Variants in NPAS3 observed in about 807,000 individuals in gnomAD.
The protein encoded by NPAS3 is neuronal PAS domain-containing protein 3.
In NPAS3, 14 loss-of-function variants were observed where a neutral mutation model predicts 73.1. The observed-to-expected ratio is 0.19, with a 90% CI of 0.13 to 0.30. NPAS3 has a LOEUF of 0.30. Ranked by LOEUF, NPAS3 falls within the 10% of genes least tolerant of loss-of-function variation. The pLI is 1.00. For missense variants in NPAS3, 1,096 were observed against 1,250.0 expected, an observed-to-expected ratio of 0.88 and a Z score of 1.86; for synonymous variants, 620 against 541.5, an observed-to-expected ratio of 1.14 and a Z score of -2.01.
At chr14:33,133,297 G>A (rs535016042) in intron 2 of NPAS3, among the ~76,000 whole-genome samples, 5 of 152,204 alleles carry the variant, frequency 3.3e-5, no homozygotes, top group Admixed American at 6.5e-5. Context: ...TTATCTTAAG[G>A]CACATCTGAC....
At chr14:33,106,087 C>A (rs747014348) in intron 2 of NPAS3, among the ~76,000 whole-genome samples, 7 of 152,174 alleles carry the variant, frequency 4.6e-5, no homozygotes, top group Admixed American at 2.0e-4. Context: ...GAATGACCTC[C>A]TTATGTCCTT....
chr14:33,391,543 AG>A, intron 4 of NPAS3, among the ~76,000 whole-genome samples: 1 of 152,312 alleles, frequency 6.6e-6, no homozygotes, highest in Non-Finnish European at 1.5e-5. Context: ...TATTTCATTC[AG>A]GCTCAGCCTA....
intron 5 of NPAS3, among the ~76,000 whole-genome samples, chr14:33,613,952 C>A (rs1344560087): frequency 7.2e-5 from 11 of 152,144 alleles, no homozygotes. Context: ...ATTCCAAATT[C>A]CTTTAGGCCG....
At position 33,776,521 on chromosome 14, in the gene NPAS3, TAAAAAAAAAAAAA is replaced by T. The variant is rs552348267; in HGVS notation, c.1047-1917_1047-1905del. Among the ~76,000 whole-genome samples the T allele has an allele frequency of 4.9e-3, 156 of 32,040 alleles. 2 individuals carry two copies. Among genetic ancestry groups the T allele is most frequent in the East Asian group, 0.039 (35 of 894 alleles). The allele number at this position is 32,040 out of a possible 152,430, so 21.0% of individuals were successfully genotyped here. A position where few individuals can be genotyped will look rare whatever the true frequency, so the allele number is the denominator to read the frequency against. The stretch of plus-strand genomic sequence containing the variant: ...CTGCTTTTGGCGTTTTTCTTCCTCT[TAAAAAAAAAAAAA>T]AAAAAAAAAAAAAAAAAAAAAAAAA... On this transcript the variant is annotated intron_variant, in intron 8 of 11. Coordinates refer to ENST00000356141, the Ensembl canonical transcript of NPAS3.
At chr14:33,563,065 A>G (rs139494884) in intron 5 of NPAS3, among the ~76,000 whole-genome samples, 137 of 152,286 alleles carry the variant, frequency 9.0e-4, no homozygotes, top group African/African-American at 3.0e-3. Flanking sequence ...AATAAAGACA[A>G]TGTGTAACTC....
At chr14:33,331,903 A>T (rs2044002372) in intron 3 of NPAS3, among the ~76,000 whole-genome samples, 1 of 152,214 alleles carries the variant, frequency 6.6e-6, no homozygotes, top group African/African-American at 2.4e-5. Context: ...AAGTGTGTTT[A>T]TATCGGATTC....
chr14:33,290,299 G>T (rs1185611455), intron 3 of NPAS3, among the ~76,000 whole-genome samples: 3 of 152,044 alleles, frequency 2.0e-5, no homozygotes, highest in Non-Finnish European at 4.4e-5. Flanking sequence ...GTATTTTATT[G>T]TTTGGGTCTG....
intron 3 of NPAS3, among the ~76,000 whole-genome samples, chr14:33,329,921 A>G (rs1302339764): frequency 6.6e-6 from 1 of 152,134 alleles, no homozygotes; most frequent in Non-Finnish European, 1.5e-5. Context: ...GCAGTCTTTT[A>G]TCATCCCTCG....
At chr14:33,684,605 TC>T (rs2140376921) in intron 6 of NPAS3, among the ~76,000 whole-genome samples, 1 of 152,278 alleles carries the variant, frequency 6.6e-6, no homozygotes, top group East Asian at 1.9e-4. Flanking sequence ...GCCTCTTTGC[TC>T]TCATTCTTGC....
chr14:33,218,994 A>G (rs1255779093), intron 3 of NPAS3, among the ~76,000 whole-genome samples: 1 of 152,230 alleles, frequency 6.6e-6, no homozygotes, highest in Non-Finnish European at 1.5e-5. Context: ...AGGTTAAGCA[A>G]TTGGAAGGTA....
chr14:33,648,172 G>A (rs2058888906), intron 5 of NPAS3, among the ~76,000 whole-genome samples: 2 of 152,182 alleles, frequency 1.3e-5, no homozygotes, highest in African/African-American at 4.8e-5. Flanking sequence ...CCACCAGGAA[G>A]CAAAGTTACT....
At position 33,094,511 on chromosome 14, in the gene NPAS3, G is replaced by A. The variant is rs1280945862; in HGVS notation, c.140+38517G>A. Reference sequence around the variant, plus strand: ...GATGGAGTCTCACTCTGTTGCCCAGGCCAGAGTGCAGTGGTGTGATCTCAG... The same window carrying A: ...GATGGAGTCTCACTCTGTTGCCCAGACCAGAGTGCAGTGGTGTGATCTCAG... On this transcript the variant is annotated intron_variant, in intron 2 of 11. Transcript: ENST00000356141. Among the ~76,000 whole-genome samples, 4 of 150,030 alleles carry A rather than the reference G, an allele frequency of 2.7e-5. No homozygotes were observed. In the East Asian group the frequency reaches 7.7e-4, roughly 29 times the overall value.
chr14:33,580,045 C>T (rs2056601707), intron 5 of NPAS3, among the ~76,000 whole-genome samples: 5 of 152,254 alleles, frequency 3.3e-5, no homozygotes, highest in Admixed American at 2.6e-4. Flanking sequence ...GTTACTCATA[C>T]AATACTAAAC....
rs147117254 is a variant in NPAS3 at position 33,389,295 on chromosome 14, T to C, written c.468+22027T>C. Among the ~76,000 whole-genome samples the C allele has an allele frequency of 3.3e-4, 50 of 152,340 alleles. 1 individual carries two copies. In the East Asian group the frequency reaches 9.4e-3, roughly 29 times the overall value. Reference sequence around the variant, plus strand: ...TGTTTTGGAAATTATATATGTTTCCTTTAAGGTATTTTTAATAATGACAAA... The same window carrying C: ...TGTTTTGGAAATTATATATGTTTCCCTTAAGGTATTTTTAATAATGACAAA... On this transcript the variant is annotated intron_variant, in intron 4 of 11. Transcript: ENST00000356141.
At chr14:33,102,957 G>C (rs1375533446) in intron 2 of NPAS3, among the ~76,000 whole-genome samples, 1 of 152,164 alleles carries the variant, frequency 6.6e-6, no homozygotes, top group Admixed American at 6.5e-5. Flanking sequence ...TTACCTTACA[G>C]TATAGCAGTC....
rs577678982 is a variant in NPAS3 at position 33,193,062 on chromosome 14, C to G, written c.141-22120C>G. Among the ~76,000 whole-genome samples the G allele has an allele frequency of 2.0e-5, 3 of 152,230 alleles. No homozygotes were observed. The South Asian group carries it at 6.2e-4, about 32-fold the overall frequency. ...CTCTAGGATTACCCTAGTGGAAGAC[C>G]TAATCAGTGAAAACAATTCGTTGGT... On this transcript the variant is annotated intron_variant, in intron 2 of 11. Coordinates refer to ENST00000356141, the Ensembl canonical transcript of NPAS3.
chr14:33,665,313 G>T (rs60563968), intron 5 of NPAS3, among the ~76,000 whole-genome samples: 33 of 152,274 alleles, frequency 2.2e-4, no homozygotes, highest in African/African-American at 7.7e-4. Context: ...GGGGCTAGGG[G>T]AGGGATAGCA....
At chr14:33,544,500 G>T (rs543194703) in intron 4 of NPAS3, among the ~76,000 whole-genome samples, 1 of 151,724 alleles carries the variant, frequency 6.6e-6, no homozygotes, top group African/African-American at 2.4e-5. Context: ...ATCAGAAGAC[G>T]AAGACAGAGA....
chr14:33,659,149 A>AGTC (rs2059235329), intron 5 of NPAS3, among the ~76,000 whole-genome samples: 1 of 152,248 alleles, frequency 6.6e-6, no homozygotes, highest in African/African-American at 2.4e-5. Context: ...AGAAGCTTAC[A>AGTC]GTCAAGTGAA....
Sources: allele counts gnomAD v4.1 joint callset (sites outside exome capture counted in the v4.1 genomes callset), GRCh38; gene constraint gnomAD v4.1.1; transcripts MANE v1.5; gene names NCBI Gene and HGNC (gene_info 2026-07-23, HGNC 2026-07-21).